The following AAR2 variants were observed in gnomAD, a reference collection of about 807,000 sequenced individuals.
The protein encoded by AAR2 is protein AAR2 homolog.
A neutral mutation model predicts 26.9 loss-of-function variants in AAR2; 31 were observed. The observed-to-expected ratio is 1.15, with a 90% CI of 0.86 to 1.55. The LOEUF (loss-of-function observed/expected upper bound fraction) is 1.55, where lower values mean the gene tolerates loss of function less well. AAR2 is among the 40% of genes most tolerant of loss of function. AAR2 has a pLI of 0.00. For synonymous variants in AAR2, 188 were observed against 196.1 expected, an observed-to-expected ratio of 0.96 and a Z score of 0.34; for missense variants, 430 against 491.3, an observed-to-expected ratio of 0.88 and a Z score of 1.18.
At position 36,255,880 on chromosome 20, in the gene AAR2, T is replaced by C. The variant is rs2064817152; in HGVS notation, c.*135T>C. 4 of 1,134,006 alleles carry C rather than the reference T, an allele frequency of 3.5e-6. No individual in the cohort carries two copies. The highest frequency in any genetic ancestry group is 4.9e-6 in the Non-Finnish European group (4 of 817,738). The allele number at this position is 1,134,006 out of a possible 1,614,324, so 70.2% of individuals were successfully genotyped here. A position where few individuals can be genotyped will look rare whatever the true frequency, so the allele number is the denominator to read the frequency against. ...GGTCCTGCAAAGATGGAGCCAGAAT[T>C]CCCTTTTTCACTGATAAATATATTT... is the stretch of plus-strand genomic sequence containing the variant. On this transcript the variant is annotated 3_prime_UTR_variant, in exon 4 of 4. Transcript: ENST00000320849.
At chr20:36,253,565 G>T (rs748787655) in intron 3 of AAR2, among the ~76,000 whole-genome samples, 1 of 152,100 alleles carries the variant, frequency 6.6e-6, no homozygotes, top group Non-Finnish European at 1.5e-5. Context: ...AGGAATCATG[G>T]GTTTGCTATT....
At chr20:36,245,501 A>G (rs941648193) in intron 3 of AAR2, among the ~76,000 whole-genome samples, 3 of 152,200 alleles carry the variant, frequency 2.0e-5, no homozygotes, top group African/African-American at 7.2e-5. Flanking sequence ...TCCCTTTGCA[A>G]ACAGATTAGT....
chr20:36,241,024 A>G (rs2064675836), intron 2 of AAR2, among the ~76,000 whole-genome samples: 1 of 151,712 alleles, frequency 6.6e-6, no homozygotes, highest in Non-Finnish European at 1.5e-5. Context: ...TTTGCTCCTG[A>G]CCCTCAAGAT....
intron 1 of AAR2, 109 bp downstream of exon 1, chr20:36,236,612 A>G (rs985716222): frequency 1.3e-5 from 2 of 152,052 alleles, no homozygotes; most frequent in African/African-American, 4.8e-5. Context: ...AACTAGGCCC[A>G]CCTCGCCGGG....
At chr20:36,251,648 G>C (rs1299943652) in intron 3 of AAR2, among the ~76,000 whole-genome samples, 4 of 152,254 alleles carry the variant, frequency 2.6e-5, no homozygotes, top group African/African-American at 9.6e-5. Flanking sequence ...GTTGCCGCAT[G>C]CCTAGTGTCT....
chr20:36,248,007 A>C (rs1204296947), intron 3 of AAR2, among the ~76,000 whole-genome samples: 1 of 152,208 alleles, frequency 6.6e-6, no homozygotes, highest in East Asian at 1.9e-4. Flanking sequence ...GAACTTCTTC[A>C]TCCTGCATAA....
At chr20:36,239,016 C>T (rs146964051) in intron 1 of AAR2, among the ~76,000 whole-genome samples, 14 of 152,072 alleles carry the variant, frequency 9.2e-5, no homozygotes, top group African/African-American at 2.9e-4. Flanking sequence ...CCATTCTTGC[C>T]GATATCCCAG....
At position 36,255,860 on chromosome 20, in the gene AAR2, T is replaced by C; in HGVS notation, c.*115T>C. 3 of 1,276,590 alleles carry C rather than the reference T, an allele frequency of 2.4e-6. No homozygotes were observed. Among genetic ancestry groups the C allele is most frequent in the Non-Finnish European group, 3.2e-6 (3 of 935,144 alleles). 79.1% of individuals were successfully genotyped at this position (1,276,590 alleles called of 1,614,324 possible). ...CCAGGGCAGCAATCTCTCCAGGTCC[T>C]GCAAAGATGGAGCCAGAATTCCCTT... is the stretch of plus-strand genomic sequence containing the variant. On this transcript the variant is annotated 3_prime_UTR_variant, in exon 4 of 4. Transcript: ENST00000320849.
At chr20:36,238,325 T>C (rs930082168) in intron 1 of AAR2, among the ~76,000 whole-genome samples, 2 of 152,252 alleles carry the variant, frequency 1.3e-5, no homozygotes, top group African/African-American at 4.8e-5. Context: ...GGATTGTGAC[T>C]TGCAGTTTGG....
chr20:36,238,687 T>C (rs902893115), intron 1 of AAR2, among the ~76,000 whole-genome samples: 4 of 139,218 alleles, frequency 2.9e-5, no homozygotes, highest in Admixed American at 7.8e-5. Context: ...ACCCGGGAGG[T>C]GGACGATGTA....
At chr20:36,254,237 A>G (rs943612282) in intron 3 of AAR2, among the ~76,000 whole-genome samples, 4 of 152,256 alleles carry the variant, frequency 2.6e-5, no homozygotes, top group South Asian at 2.1e-4. Context: ...TGGTATCTGC[A>G]TACAACAGAA....
chr20:36,242,188 C>T (rs1446512880), intron 2 of AAR2, among the ~76,000 whole-genome samples: 1 of 144,988 alleles, frequency 6.9e-6, no homozygotes, highest in African/African-American at 2.6e-5. Context: ...CGCTGTGTCG[C>T]CCAGGGTGGA....
Position 36,240,161 on chromosome 20 carries a change from T to C in AAR2, c.293T>C (p.Val98Ala), listed in dbSNP as rs1013661836. The C allele has an allele frequency of 9.3e-6, 15 of 1,613,952 alleles. No individual in the cohort carries two copies. The highest frequency in any genetic ancestry group is 1.3e-5 in the Non-Finnish European group (15 of 1,179,990). ...VLRWSTLREE[V>A]DLSPAPESEV... ...CGCTGGAGCACACTCAGGGAAGAGG[T>C]AGACCTGTCCCCAGCCCCAGAGTCT... The change falls in exon 2 of 4, where the codon GTA (valine) becomes GCA (alanine). Residue 98 changes from valine (V) to alanine (A), a missense_variant. Coordinates refer to ENST00000320849, the MANE Select transcript of AAR2 (RefSeq NM_001271874.2).
At chr20:36,255,413 C>G (rs1227875568) in intron 3 of AAR2, among the ~76,000 whole-genome samples, 165 bp from the exon 4 acceptor site, 2 of 152,232 alleles carry the variant, frequency 1.3e-5, no homozygotes, top group Non-Finnish European at 1.5e-5. Context: ...GGGTTTGGAC[C>G]TTCTTTCTTG....
chr20:36,240,553 A>C lies in AAR2; in HGVS notation c.685A>C (p.Ser229Arg). 6.2e-7 allele frequency: 1 copy of C among 1,613,896 alleles called. No homozygotes were observed. The highest frequency in any genetic ancestry group is 8.5e-7 in the Non-Finnish European group (1 of 1,180,050). Reference protein sequence around the residue: ...GATPAEITKHSMDLSYALETV... With the variant: ...GATPAEITKHRMDLSYALETV... Reference sequence around the variant, plus strand: ...CACGCCAGCTGAGATAACCAAGCACAGCATGGACCTGAGCTATGCCCTGGA... The same window carrying C: ...CACGCCAGCTGAGATAACCAAGCACCGCATGGACCTGAGCTATGCCCTGGA... Residue 229 changes from serine to arginine, a missense_variant, in exon 2 of 4, where the codon AGC (serine) becomes CGC (arginine). Physicochemically the swap from Ser to Arg is moderately radical, Grantham distance 110 (BLOSUM62 -1). Coordinates refer to ENST00000320849, the MANE Select transcript of AAR2 (RefSeq NM_001271874.2).
chr20:36,237,750 GTAT>G (rs71184090), intron 1 of AAR2, among the ~76,000 whole-genome samples: 25,928 of 138,784 alleles, frequency 0.19, 2,498 homozygotes, highest in African/African-American at 0.25. Context: ...AAGATGATAC[GTAT>G]TATTATTATT....
Position 36,256,766 on chromosome 20 carries a change from A to G in AAR2, c.*1021A>G, listed in dbSNP as rs1276881965. On this transcript the variant is annotated 3_prime_UTR_variant, in exon 4 of 4. Transcript: ENST00000320849. Reference sequence around the variant, plus strand: ...ACAGGCCCTGCCACCCTGACATCAAACTGTTGTACTATGATCACAGTCCCT... The same window carrying G: ...ACAGGCCCTGCCACCCTGACATCAAGCTGTTGTACTATGATCACAGTCCCT... 1.3e-5 allele frequency: 2 copies of G among 152,446 alleles called. No homozygotes were observed. Among genetic ancestry groups the G allele is most frequent in the Non-Finnish European group, 2.9e-5 (2 of 67,996 alleles). 9.4% of individuals were successfully genotyped at this position (152,446 alleles called of 1,614,324 possible).
chr20:36,238,667 A>G (rs2064643584), intron 1 of AAR2, among the ~76,000 whole-genome samples: 1 of 151,628 alleles, frequency 6.6e-6, no homozygotes, highest in South Asian at 2.1e-4. Flanking sequence ...GAGGCACAAG[A>G]ATTGCTTGAA....
intron 3 of AAR2, among the ~76,000 whole-genome samples, chr20:36,255,193 G>A (rs527689609): frequency 2.0e-5 from 3 of 152,194 alleles, no homozygotes; most frequent in Admixed American, 2.0e-4. Flanking sequence ...GTTGGCTTGG[G>A]GCCTGGGACT....
Sources: gnomAD v4.1 joint callset for allele counts (sites outside exome capture counted in the v4.1 genomes callset) on GRCh38, gnomAD v4.1.1 for gene constraint, MANE v1.5 for transcripts, NCBI Gene and HGNC (gene_info 2026-07-23, HGNC 2026-07-21) for gene names.